CPAMD8: variants seen among roughly 807,000 people sequenced by gnomAD.
CPAMD8 encodes the protein C3 and PZP-like alpha-2-macroglobulin domain-containing protein 8.
A neutral mutation model predicts 224.7 loss-of-function variants in CPAMD8; 146 were observed. The observed-to-expected ratio is 0.65, with a 90% CI of 0.57 to 0.75. The LOEUF (loss-of-function observed/expected upper bound fraction) is 0.75, where lower values mean the gene tolerates loss of function less well. Among genes scored for constraint, CPAMD8 ranks in the 30% least tolerant of loss-of-function variants. The probability of loss-of-function intolerance (pLI) is 0.00; values close to 1 mark genes in which losing one functional copy is unlikely to be tolerated. For missense variants in CPAMD8, 2,301 were observed against 2,537.5 expected (o/e 0.91, Z 2.00); for synonymous variants, 966 against 1,044.6 (o/e 0.92, Z 1.45).
chr19:16,922,348 C>T (rs1367133086), intron 26 of CPAMD8, among the ~76,000 whole-genome samples: 1 of 150,246 alleles, frequency 6.7e-6, no homozygotes, highest in Admixed American at 6.6e-5. Flanking sequence ...CCTCATACTA[C>T]ATCTGGAGTC....
At chr19:17,025,789 T>C (rs2057066041) in intron 1 of CPAMD8, among the ~76,000 whole-genome samples, 1 of 152,198 alleles carries the variant, frequency 6.6e-6, no homozygotes. Flanking sequence ...GTCTGGATGC[T>C]CAGAGCGCAG....
At chr19:16,979,386 TCATCCATC>T (rs55698805) in intron 14 of CPAMD8, among the ~76,000 whole-genome samples, 44 of 133,576 alleles carry the variant, frequency 3.3e-4, no homozygotes, top group African/African-American at 1.3e-3. Flanking sequence ...ATCTGTCCAT[TCATCCATC>T]CATCCATCCA....
Position 17,026,551 on chromosome 19 carries a change from G to A in CPAMD8, c.92C>T (p.Pro31Leu), listed in dbSNP as rs867321754. 7 of 1,513,980 alleles carry A rather than the reference G, an allele frequency of 4.6e-6. No homozygotes were observed. Among genetic ancestry groups the A allele is most frequent in the Admixed American group, 2.1e-5 (1 of 46,668 alleles). 93.8% of individuals were successfully genotyped at this position (1,513,980 alleles called of 1,614,324 possible). Residue 31 changes from proline to leucine, a missense_variant and splice_region_variant, in exon 1 of 42, where the codon CCG becomes CTG. Transcript: ENST00000443236. ...TCCTCTGTCGCCGGAGGATACTCAC[G>A]GGGCCTGAGGCTGCGCGGCGCGCAC... is the stretch of plus-strand genomic sequence containing the variant. ...DGVRAAQPQA[P>L]GYLIAAPSVF...
Position 16,893,487 on chromosome 19 carries a change from A to C in CPAMD8, c.5427-148T>G, listed in dbSNP as rs2051839762. On this transcript the variant is annotated intron_variant, in intron 41 of 41. Coordinates refer to ENST00000443236, the MANE Select transcript of CPAMD8 (RefSeq NM_015692.5). ...GGGCAGCCTCAGACCTTGATCTCAC[A>C]GGCAGCGAGGGGCCTCCGTGCTGGC... 6.8e-6 allele frequency: 4 copies of C among 588,560 alleles called. No homozygotes were observed. The Admixed American group carries it at 1.2e-4, about 18-fold the overall frequency. The allele number at this position is 588,560 out of a possible 1,614,324, so 36.5% of individuals were successfully genotyped here.
intron 13 of CPAMD8, among the ~76,000 whole-genome samples, chr19:16,987,168 AAAAAAAAAAAAATATATATATATAT>A (rs1376108895): frequency 1.9e-4 from 20 of 103,570 alleles, no homozygotes; most frequent in African/African-American, 7.4e-4. Context: ...AAAAAAAAAA[AAAAAAAAAAAAATATATATATATAT>A]ATATATATAT....
chr19:16,895,897 G>A (rs1048890497), intron 41 of CPAMD8: 161 of 550,270 alleles, frequency 2.9e-4, no homozygotes, highest in Non-Finnish European at 4.9e-4. Context: ...GCGCGCGCGC[G>A]CGCACGCACA....
At position 16,924,825 on chromosome 19, in the gene CPAMD8, T is replaced by G. The variant is rs2053300465; in HGVS notation, c.3547+371A>C. On this transcript the variant is annotated intron_variant, in intron 26 of 41. Transcript: ENST00000443236. ...GTCTCAAACTCCTGGGCTCAAGTAA[T>G]CCTCCTGCCTCGGCCTCCCAAAGTG... Among the ~76,000 whole-genome samples the G allele has an allele frequency of 2.6e-5, 4 of 152,200 alleles. No individual in the cohort carries two copies. The South Asian group carries it at 8.3e-4, about 32-fold the overall frequency.
chr19:16,894,659 G>A (rs2051888762), intron 41 of CPAMD8: 1 of 346,934 alleles, frequency 2.9e-6, no homozygotes, highest in Non-Finnish European at 5.8e-6. Flanking sequence ...GGCTCTGGGT[G>A]TCCATGTGCG....
At chr19:16,972,963 G>A (rs1045864892) in intron 17 of CPAMD8, among the ~76,000 whole-genome samples, 38 of 152,308 alleles carry the variant, frequency 2.5e-4, no homozygotes, top group African/African-American at 8.9e-4. Context: ...AAGCCCAGGA[G>A]TTCAAGACTA....
chr19:17,015,915 A>G (rs189441812), intron 3 of CPAMD8, among the ~76,000 whole-genome samples: 94 of 152,252 alleles, frequency 6.2e-4, no homozygotes, highest in African/African-American at 2.1e-3. Flanking sequence ...GATGCCTCCC[A>G]CAGGGAGAGA....
In CPAMD8 at chr19:16,952,023, C is replaced by T. The variant is rs766854808; in HGVS notation, c.2454G>A (p.Gly818=). 6.3e-7 allele frequency: 1 copy of T among 1,585,378 alleles called. No individual in the cohort carries two copies. The highest frequency in any genetic ancestry group is 2.3e-5 in the East Asian group (1 of 43,866). Reference sequence around the variant, plus strand: ...CACTGAGCGGGATCTTGACCTGCTCCCCACGGATGATGAGAGCGGGGAGCA... The same window carrying T: ...CACTGAGCGGGATCTTGACCTGCTCTCCACGGATGATGAGAGCGGGGAGCA... The part of the protein sequence containing the change: ...DFMLPALIIR[G]EQVKIPLSVY... The change falls in exon 20 of 42, where the codon GGG becomes GGA. Residue 818 remains glycine, a synonymous_variant. Coordinates refer to ENST00000443236, the MANE Select transcript of CPAMD8 (RefSeq NM_015692.5).
At chr19:17,000,940 C>A (rs192323386) in intron 9 of CPAMD8, among the ~76,000 whole-genome samples, 71 of 152,284 alleles carry the variant, frequency 4.7e-4, no homozygotes, top group African/African-American at 1.6e-3. Flanking sequence ...ACTCAAACTA[C>A]CCTCTCAGGG....
Position 16,929,223 on chromosome 19 carries a change from T to A in CPAMD8, c.2863A>T (p.Thr955Ser), listed in dbSNP as rs755751222. The A allele has an allele frequency of 6.9e-6, 11 of 1,605,746 alleles. No homozygotes were observed. The East Asian group carries it at 2.5e-4, about 36-fold the overall frequency. Reference protein sequence around the residue: ...FCPSERVHISTPNKYEFQYVQ... With the variant: ...FCPSERVHISSPNKYEFQYVQ... ...TACTGGAACTCATACTTGTTGGGGG[T>A]GGAGATGTGGACTCTCTCTGGATGG... The change falls in exon 24 of 42, where the codon ACC becomes TCC. Residue 955 changes from threonine to serine, a missense_variant. Thr to Ser is a moderately conservative substitution (Grantham distance 58, BLOSUM62 1). Coordinates refer to ENST00000443236, the MANE Select transcript of CPAMD8 (RefSeq NM_015692.5).
Position 17,026,562 on chromosome 19 carries a change from C to T in CPAMD8, c.81G>A (p.Gln27=), listed in dbSNP as rs866524570. 4 of 1,525,704 alleles carry T rather than the reference C, an allele frequency of 2.6e-6. No homozygotes were observed. The highest frequency in any genetic ancestry group is 3.5e-6 in the Non-Finnish European group (4 of 1,145,630). The allele number at this position is 1,525,704 out of a possible 1,614,324, so 94.5% of individuals were successfully genotyped here. ...LSARDGVRAA[Q]PQAPGYLIAA... is the part of the protein sequence containing the mutation. ...CGGAGGATACTCACGGGGCCTGAGG[C>T]TGCGCGGCGCGCACGCCGTCCCGCG... Residue 27 remains glutamine, a synonymous_variant, in exon 1 of 42, where the codon CAG becomes CAA. Coordinates refer to ENST00000443236, the MANE Select transcript of CPAMD8 (RefSeq NM_015692.5).
chr19:17,009,365 C>T, intron 5 of CPAMD8, 45 bp from the exon 6 acceptor site: 3 of 1,613,894 alleles, frequency 1.9e-6, no homozygotes, highest in Non-Finnish European at 2.5e-6. Context: ...TCCAGCAAAC[C>T]CCAAACCCTT....
At chr19:16,945,301 C>G (rs1160597734) in intron 22 of CPAMD8, among the ~76,000 whole-genome samples, 3 of 152,186 alleles carry the variant, frequency 2.0e-5, no homozygotes, top group African/African-American at 7.2e-5. Flanking sequence ...GGAGCACTTG[C>G]TGCAGCCCCT....
At chr19:16,926,776 C>CG (rs1277186037) in intron 25 of CPAMD8, among the ~76,000 whole-genome samples, 1 of 152,206 alleles carries the variant, frequency 6.6e-6, no homozygotes, top group African/African-American at 2.4e-5. Flanking sequence ...AGATCCCAGA[C>CG]GTCGCCTCCT....
At chr19:16,999,441 C>T (rs1026397133) in intron 10 of CPAMD8, among the ~76,000 whole-genome samples, 7 of 151,862 alleles carry the variant, frequency 4.6e-5, no homozygotes, top group African/African-American at 7.2e-5. Context: ...AAAAATTAGC[C>T]GGGTGTTGTG....
Position 16,893,136 on chromosome 19 carries a change from C to G in CPAMD8, c.5630G>C (p.Trp1877Ser), listed in dbSNP as rs1400313451. The change falls in exon 42 of 42, where the codon TGG (tryptophan) becomes TCG (serine). Residue 1877 changes from tryptophan to serine, a missense_variant. Trp to Ser is a radical substitution (Grantham distance 177, BLOSUM62 -3). Transcript: ENST00000443236. ...AFQSGGEEGL[W>S]MSNTCTLR Reference sequence around the variant, plus strand: ...TCTCAAGGTGCAGGTGTTTGACATCCATAAACCCTCCTCCCCACCACTCTG... The same window carrying G: ...TCTCAAGGTGCAGGTGTTTGACATCGATAAACCCTCCTCCCCACCACTCTG... 2.0e-6 allele frequency: 3 copies of G among 1,531,508 alleles called. No homozygotes were observed. In the African/African-American group the frequency reaches 4.1e-5, roughly 21 times the overall value. 94.9% of individuals were successfully genotyped at this position (1,531,508 alleles called of 1,614,324 possible).
Sources: gnomAD v4.1 joint callset for allele counts (sites outside exome capture counted in the v4.1 genomes callset) on GRCh38, gnomAD v4.1.1 for gene constraint, MANE v1.5 for transcripts, NCBI Gene and HGNC (gene_info 2026-07-23, HGNC 2026-07-21) for gene names.